Variants in AP1G1 observed in about 807,000 individuals in gnomAD.
AP1G1 encodes AP-1 complex subunit gamma-1.
In AP1G1, 7 loss-of-function variants were observed where a neutral mutation model predicts 108.3. The observed-to-expected ratio is 0.06, with a 90% confidence interval of 0.04 to 0.12. The LOEUF (loss-of-function observed/expected upper bound fraction) is 0.12, where lower values mean the gene tolerates loss of function less well. AP1G1 is among the 10% of genes least tolerant of loss of function. The probability of loss-of-function intolerance (pLI) is 1.00; values close to 1 mark genes in which losing one functional copy is unlikely to be tolerated. For synonymous variants in AP1G1, 379 were observed against 353.5 expected, an observed-to-expected ratio of 1.07 and a Z score of -0.81; for missense variants, 756 against 1,010.7, an observed-to-expected ratio of 0.75 and a Z score of 3.42.
At chr16:71,735,543 T>G (rs904353764) in intron 21 of AP1G1, among the ~76,000 whole-genome samples, 3 of 151,620 alleles carry the variant, frequency 2.0e-5, no homozygotes, top group Non-Finnish European at 4.4e-5. Context: ...ATGCCTGTAG[T>G]CCCAGCTACT....
intron 1 of AP1G1, chr16:71,806,703 C>G (rs1328967237): frequency 2.3e-6 from 3 of 1,288,652 alleles, no homozygotes; most frequent in African/African-American, 3.0e-5. Flanking sequence ...GTGAGCATTA[C>G]ATAGGTGTTC....
intron 21 of AP1G1, among the ~76,000 whole-genome samples, chr16:71,737,994 T>A (rs2045570970): frequency 1.3e-5 from 2 of 152,262 alleles, no homozygotes; most frequent in Non-Finnish European, 2.9e-5. Flanking sequence ...TACTGTCTCA[T>A]CTTTTTAAGA....
intron 6 of AP1G1, 192 bp from the exon 7 acceptor site, chr16:71,765,776 G>A (rs1052809406): frequency 7.6e-5 from 39 of 509,900 alleles, no homozygotes; most frequent in Non-Finnish European, 1.3e-4. Flanking sequence ...GAAGTAGTAT[G>A]TATTTTATCT....
intron 2 of AP1G1, 132 bp from the exon 3 acceptor site, chr16:71,774,724 CTT>C: frequency 9.8e-7 from 1 of 1,016,738 alleles, no homozygotes; most frequent in Non-Finnish European, 1.4e-6. Context: ...CTACCTAAAT[CTT>C]TTCTTTTTTT....
At position 71,786,632 on chromosome 16, in the gene AP1G1, T is replaced by C. The variant is rs375285824; in HGVS notation, c.201+2647A>G. On this transcript the variant is annotated intron_variant, in intron 2 of 22. Transcript: ENST00000299980. ...CGCACCACCATGCCCAGCTAATTTT[T>C]GTATTTTTAGTAGAGAGGGGGTTCC... 1.2e-4 allele frequency among the ~76,000 whole-genome samples: 18 copies of C among 152,274 alleles called. 1 individual carries two copies. In the East Asian group the frequency reaches 1.5e-3, roughly 13 times the overall value.
Position 71,750,258 on chromosome 16 carries a change from G to A in AP1G1, c.1359C>T (p.Ala453=). 3 of 1,614,032 alleles carry A rather than the reference G, an allele frequency of 1.9e-6. No homozygotes were observed. The highest frequency in any genetic ancestry group is 2.5e-6 in the Non-Finnish European group (3 of 1,179,952). ...CTTTGTACAGGCGCTGGACAGTATAGGCATGCATCTCCACACTATTAGTTA... is the reference window on the plus strand; with the variant it reads ...CTTTGTACAGGCGCTGGACAGTATAAGCATGCATCTCCACACTATTAGTTA... ...QLITNSVEMH[A]YTVQRLYKAI... Residue 453 remains alanine (A), a synonymous_variant, in exon 14 of 23, where the codon GCC becomes GCT. Transcript: ENST00000299980.
chr16:71,798,561 G>A (rs1157153909), intron 1 of AP1G1, among the ~76,000 whole-genome samples: 1 of 151,448 alleles, frequency 6.6e-6, no homozygotes, highest in Non-Finnish European at 1.5e-5. Context: ...ATAATTACCT[G>A]AAAATGTCTG....
chr16:71,768,500 CA>C lies in AP1G1; in HGVS notation c.642+1122del, dbSNP rs527404594. Among the ~76,000 whole-genome samples the C allele has an allele frequency of 8.4e-4, 70 of 83,710 alleles. 2 individuals are homozygous for C. Among genetic ancestry groups the C allele is most frequent in the African/African-American group, 2.5e-3 (51 of 20,514 alleles). 54.9% of individuals were successfully genotyped at this position (83,710 alleles called of 152,430 possible). A position where few individuals can be genotyped will look rare whatever the true frequency, so the allele number is the denominator to read the frequency against. Reference sequence around the variant, plus strand: ...TGGGCGACAGAGCCAGACTCCGCCACAAAAAAAAAAAAAGAGAGAAGGGAGT... The same window carrying C: ...TGGGCGACAGAGCCAGACTCCGCCACAAAAAAAAAAAAGAGAGAAGGGAGT... On this transcript the variant is annotated intron_variant, in intron 6 of 22. Coordinates refer to ENST00000299980, the MANE Select transcript of AP1G1 (RefSeq NM_001128.6).
At chr16:71,794,866 C>CTTTTTTTTTTTTTTTTTTTTTTTTTTT (rs2032528877) in intron 1 of AP1G1, among the ~76,000 whole-genome samples, 46 of 46,638 alleles carry the variant, frequency 9.9e-4, no homozygotes, top group African/African-American at 1.2e-3. Flanking sequence ...TTTTTTTTTA[C>CTTTTTTTTTTTTTTTTTTTTTTTTTTT]TTTGAAATGC....
chr16:71,785,947 G>C (rs2032189592), intron 2 of AP1G1, among the ~76,000 whole-genome samples: 1 of 152,112 alleles, frequency 6.6e-6, no homozygotes, highest in Admixed American at 6.5e-5. Flanking sequence ...ATACGTGCAG[G>C]TGACAAAATC....
Position 71,753,808 on chromosome 16 carries a change from A to G in AP1G1, c.1284+25T>C, listed in dbSNP as rs368128320. Reference sequence around the variant, plus strand: ...ATCAGTATATCCCAGCACTTCGTATATGCTGTCTGAAAGAAGCTACTTACC... The same window carrying G: ...ATCAGTATATCCCAGCACTTCGTATGTGCTGTCTGAAAGAAGCTACTTACC... On this transcript the variant is annotated intron_variant, in intron 13 of 22. Transcript: ENST00000299980. 2.1e-5 allele frequency: 34 copies of G among 1,605,638 alleles called. No homozygotes were observed. The African/African-American group carries it at 4.0e-4, about 19-fold the overall frequency.
chr16:71,748,200 GT>G (rs1449140753), intron 16 of AP1G1, 50 bp downstream of exon 16: 1 of 1,567,488 alleles, frequency 6.4e-7, no homozygotes, highest in South Asian at 1.2e-5. Flanking sequence ...GATTTTTTTT[GT>G]TTTTTAATTA....
At chr16:71,780,598 A>C (rs2031977456) in intron 2 of AP1G1, among the ~76,000 whole-genome samples, 1 of 151,596 alleles carries the variant, frequency 6.6e-6, no homozygotes, top group African/African-American at 2.4e-5. Context: ...CCTGCAACTG[A>C]TTGGGTAGAC....
intron 1 of AP1G1, among the ~76,000 whole-genome samples, chr16:71,802,091 T>C (rs1248968919): frequency 6.6e-6 from 1 of 152,146 alleles, no homozygotes; most frequent in Non-Finnish European, 1.5e-5. Context: ...AGATACTCAA[T>C]GTGTATTTGG....
chr16:71,733,166 G>A lies in AP1G1; in HGVS notation c.2368-7C>T. ...TCCGCATTCGCAGCTGTTGCTATAA[G>A]AGGAAAAGAGAAGTGCAAATTATAT... On this transcript the variant is annotated splice_polypyrimidine_tract_variant and splice_region_variant and intron_variant, in intron 22 of 22. Coordinates refer to ENST00000299980, the MANE Select transcript of AP1G1 (RefSeq NM_001128.6). The A allele has an allele frequency of 3.7e-6, 6 of 1,609,700 alleles. No individual in the cohort carries two copies. The highest frequency in any genetic ancestry group is 4.3e-6 in the Non-Finnish European group (5 of 1,176,250).
chr16:71,746,049 C>T (rs1319687556), intron 17 of AP1G1, among the ~76,000 whole-genome samples: 1 of 151,998 alleles, frequency 6.6e-6, no homozygotes, highest in East Asian at 1.9e-4. Context: ...CTTGCTCTGT[C>T]GCCAGGCTGG....
intron 1 of AP1G1, among the ~76,000 whole-genome samples, chr16:71,799,566 G>C (rs1429078816): frequency 1.3e-5 from 2 of 152,126 alleles, no homozygotes; most frequent in African/African-American, 4.8e-5. Context: ...CCAGGAGTTT[G>C]AGACCAGCCT....
At chr16:71,749,251 G>A (rs1030637297) in intron 15 of AP1G1, among the ~76,000 whole-genome samples, 1 of 151,878 alleles carries the variant, frequency 6.6e-6, no homozygotes, top group Non-Finnish European at 1.5e-5. Context: ...AGAGGCCAAG[G>A]CAGGCAGATT....
intron 1 of AP1G1, chr16:71,807,699 T>G: frequency 2.7e-6 from 2 of 753,806 alleles, no homozygotes; most frequent in Non-Finnish European, 4.0e-6. Flanking sequence ...CAAAGATCAT[T>G]ACTGTACAAA....
Sources: allele counts gnomAD v4.1 joint callset (sites outside exome capture counted in the v4.1 genomes callset), GRCh38; gene constraint gnomAD v4.1.1; transcripts MANE v1.5; gene names NCBI Gene and HGNC (gene_info 2026-07-23, HGNC 2026-07-21).